Variants in NIPA1 observed in about 807,000 individuals in gnomAD.
NIPA1 encodes the protein NIPA magnesium transporter 1, also known as magnesium transporter NIPA1.
Under a neutral mutation model 23.9 loss-of-function variants are expected in NIPA1, and 13 were observed. The ratio of observed to expected loss-of-function variants is 0.54; its 90% CI spans 0.35 to 0.87. The LOEUF (loss-of-function observed/expected upper bound fraction) is 0.87, where lower values mean the gene tolerates loss of function less well. NIPA1 is among the 40% of genes least tolerant of loss of function. The probability of loss-of-function intolerance (pLI) is 0.01; values close to 1 mark genes in which losing one functional copy is unlikely to be tolerated. For synonymous variants in NIPA1, 234 were observed against 202.9 expected, an observed-to-expected ratio of 1.15 and a Z score of -1.30; for missense variants, 362 against 429.7, an observed-to-expected ratio of 0.84 and a Z score of 1.39.
chr15:22,786,893 G>C (rs568779777), intron 1 of NIPA1, 59 bp downstream of exon 1: 148 of 821,372 alleles, frequency 1.8e-4, no homozygotes, highest in Admixed American at 4.2e-4. Context: ...CGGCGGAGAA[G>C]GCGGTCGCAG....
chr15:22,828,516 T>G lies in NIPA1; in HGVS notation c.*4277T>G, dbSNP rs1329469514. On this transcript the variant is annotated 3_prime_UTR_variant, in exon 5 of 5. Coordinates refer to ENST00000337435, the MANE Select transcript of NIPA1 (RefSeq NM_144599.5). The stretch of plus-strand genomic sequence containing the variant: ...AGGTTCAGAATTACAGGAACAGCAG[T>G]GAGAATTTGGCCCACTACCACGACT... 2 of 152,534 alleles carry G rather than the reference T, an allele frequency of 1.3e-5. No homozygotes were observed. Among genetic ancestry groups the G allele is most frequent in the East Asian group, 1.9e-4 (1 of 5,196 alleles). 9.4% of individuals were successfully genotyped at this position (152,534 alleles called of 1,614,324 possible).
At chr15:22,791,436 C>T (rs1166338240) in intron 1 of NIPA1, among the ~76,000 whole-genome samples, 5 of 148,502 alleles carry the variant, frequency 3.4e-5, no homozygotes, top group Admixed American at 2.7e-4. Flanking sequence ...TGGTGACAGT[C>T]CTTCTACTGA....
In NIPA1 at chr15:22,810,756, C is replaced by G; in HGVS notation, c.186C>G (p.Ser62=). ...TTATCTCATTTTTTATAGGTACTTCCTATTTAACAGACATTGTGTGGTGGG... is the reference window on the plus strand; with the variant it reads ...TTATCTCATTTTTTATAGGTACTTCGTATTTAACAGACATTGTGTGGTGGG... ...GIVRAKRRGT[S]YLTDIVWWAG... The change falls in exon 2 of 5, where the codon TCC becomes TCG. Residue 62 remains serine (S), a synonymous_variant. Coordinates refer to ENST00000337435, the MANE Select transcript of NIPA1 (RefSeq NM_144599.5). The G allele has an allele frequency of 6.2e-7, 1 of 1,606,338 alleles. No individual in the cohort carries two copies. The highest frequency in any genetic ancestry group is 1.1e-5 in the South Asian group (1 of 90,918).
intron 1 of NIPA1, among the ~76,000 whole-genome samples, chr15:22,798,142 C>T (rs895219389): frequency 1.3e-4 from 20 of 151,384 alleles, no homozygotes; most frequent in Admixed American, 7.2e-4. Flanking sequence ...CCACCGCGCC[C>T]GGCCTCAAAA....
chr15:22,816,508 T>TTTTTTC (rs1555373603), intron 3 of NIPA1, among the ~76,000 whole-genome samples: 1 of 134,466 alleles, frequency 7.4e-6, no homozygotes, highest in African/African-American at 2.8e-5. Flanking sequence ...TTTTTTTTTT[T>TTTTTTC]TCAGATGGAG....
chr15:22,823,076 G>A (rs1253689377), intron 4 of NIPA1, among the ~76,000 whole-genome samples: 3 of 147,642 alleles, frequency 2.0e-5, no homozygotes, highest in Admixed American at 6.8e-5. Context: ...ATGCCACCAC[G>A]CCTAGCTAAT....
intron 3 of NIPA1, chr15:22,813,814 C>T (rs1244642827): frequency 5.0e-6 from 2 of 399,496 alleles, no homozygotes; most frequent in South Asian, 1.8e-5. Flanking sequence ...TCATGTGTGG[C>T]TTGGTGTCCC....
At chr15:22,800,051 T>A (rs781536031) in intron 1 of NIPA1, among the ~76,000 whole-genome samples, 3 of 150,870 alleles carry the variant, frequency 2.0e-5, no homozygotes, top group Non-Finnish European at 2.9e-5. Context: ...GTTGAAAAAT[T>A]ACCTGTTGGG....
chr15:22,826,311 CAA>C lies in NIPA1; in HGVS notation c.*2074_*2075del, dbSNP rs1313958813. 4 of 152,090 alleles carry C rather than the reference CAA, an allele frequency of 2.6e-5. No homozygotes were observed. The highest frequency in any genetic ancestry group is 4.4e-5 in the Non-Finnish European group (3 of 68,002). The allele number at this position is 152,090 out of a possible 1,614,324, so 9.4% of individuals were successfully genotyped here. A position where few individuals can be genotyped will look rare whatever the true frequency, so the allele number is the denominator to read the frequency against. ...TTAAATCCTCTCAATGGATGGTTAA[CAA>C]ATGCTCAAAGTCCATTACTCTTTTT... is the stretch of plus-strand genomic sequence containing the variant. On this transcript the variant is annotated 3_prime_UTR_variant, in exon 5 of 5. Coordinates refer to ENST00000337435, the MANE Select transcript of NIPA1 (RefSeq NM_144599.5).
intron 4 of NIPA1, among the ~76,000 whole-genome samples, chr15:22,821,130 AT>A (rs917007780): frequency 6.6e-6 from 1 of 150,542 alleles, no homozygotes; most frequent in Admixed American, 6.6e-5. Context: ...TGCCCGGCTA[AT>A]TTTTTTTGTA....
chr15:22,823,461 A>G (rs754564116), intron 4 of NIPA1, among the ~76,000 whole-genome samples: 5 of 152,150 alleles, frequency 3.3e-5, no homozygotes, highest in Admixed American at 2.6e-4. Context: ...TGGCCCCCCA[A>G]AGTGCTGGGA....
In NIPA1 at chr15:22,825,406, T is replaced by G. The variant is rs1446390714; in HGVS notation, c.*1167T>G. 1 of 152,226 alleles carries G rather than the reference T, an allele frequency of 6.6e-6. No homozygotes were observed. Among genetic ancestry groups the G allele is most frequent in the Non-Finnish European group, 1.5e-5 (1 of 68,034 alleles). The allele number at this position is 152,226 out of a possible 1,614,324, so 9.4% of individuals were successfully genotyped here. On this transcript the variant is annotated 3_prime_UTR_variant, in exon 5 of 5. Transcript: ENST00000337435. The stretch of plus-strand genomic sequence containing the variant: ...AAGATAGTCAAGACTAAAGACACAT[T>G]AGAGCAAATTGACCCCTTTAACATG...
At chr15:22,809,747 A>G (rs1440224366) in intron 1 of NIPA1, among the ~76,000 whole-genome samples, 1 of 150,740 alleles carries the variant, frequency 6.6e-6, no homozygotes, top group Non-Finnish European at 1.5e-5. Context: ...TCTGTCTGAA[A>G]AAAAAAAAAA....
In NIPA1 at chr15:22,823,804, C is replaced by T. The variant is rs1895593826; in HGVS notation, c.555C>T (p.Pro185=). The change falls in exon 5 of 5, where the codon CCC becomes CCT. Residue 185 remains proline, a synonymous_variant. Coordinates refer to ENST00000337435, the MANE Select transcript of NIPA1 (RefSeq NM_144599.5). ...TCTGGATCGCGCCGGCCCATGGGCC[C>T]ACCAACATCATGGTCTACATCAGCA... The part of the protein sequence containing the change: ...LIFWIAPAHG[P]TNIMVYISIC... The T allele has an allele frequency of 2.5e-6, 4 of 1,613,952 alleles. 1 individual carries two copies. Among genetic ancestry groups the T allele is most frequent in the South Asian group, 1.1e-5 (1 of 91,068 alleles).
Position 22,823,729 on chromosome 15 carries a change from G to GT in NIPA1, c.483dup (p.Val162CysfsTer58), listed in dbSNP as rs1470039724. The GT allele has an allele frequency of 6.2e-7, 1 of 1,604,932 alleles. No individual in the cohort carries two copies. Among genetic ancestry groups the GT allele is most frequent in the Non-Finnish European group, 8.5e-7 (1 of 1,178,344 alleles). On this transcript the variant is annotated frameshift_variant and splice_region_variant, in exon 5 of 5. Transcript: ENST00000337435. LOFTEE classifies it high-confidence loss of function. The stretch of plus-strand genomic sequence containing the variant: ...GACTGTGTGCTGTCTGTGTTCCAGT[G>GT]TTTGTGGGCTACCTGTGCATCGTGC...
At chr15:22,807,940 T>C (rs1309123862) in intron 1 of NIPA1, among the ~76,000 whole-genome samples, 4 of 151,918 alleles carry the variant, frequency 2.6e-5, no homozygotes, top group African/African-American at 4.8e-5. Flanking sequence ...CCCACCACCA[T>C]GCCCAGCTAA....
At chr15:22,809,766 G>A (rs865876167) in intron 1 of NIPA1, among the ~76,000 whole-genome samples, 18 of 150,362 alleles carry the variant, frequency 1.2e-4, no homozygotes, top group South Asian at 2.1e-4. Context: ...AAGGCCAGGC[G>A]CGGTGGCTCA....
At chr15:22,812,139 G>A in intron 2 of NIPA1, 24 bp from the exon 3 acceptor site, 2 of 1,564,028 alleles carry the variant, frequency 1.3e-6, no homozygotes, top group Non-Finnish European at 1.8e-6. Flanking sequence ...ATTGCAAGTA[G>A]TATCCTTGTG....
intron 1 of NIPA1, among the ~76,000 whole-genome samples, chr15:22,797,939 G>A (rs1002152779): frequency 1.3e-5 from 2 of 150,982 alleles, no homozygotes; most frequent in Admixed American, 1.3e-4. Context: ...CCGCCTCCTG[G>A]GTTCATGCCA....
Sources: gnomAD v4.1 joint callset for allele counts (sites outside exome capture counted in the v4.1 genomes callset) on GRCh38, gnomAD v4.1.1 for gene constraint, MANE v1.5 for transcripts, NCBI Gene and HGNC (gene_info 2026-07-23, HGNC 2026-07-21) for gene names.